Variants in EXOC2 observed in about 807,000 individuals in gnomAD.
EXOC2 encodes the protein exocyst complex component 2, also known as SEC5-like 1.
A neutral mutation model predicts 131.8 loss-of-function variants in EXOC2; 70 were observed. That is an observed-to-expected ratio of 0.53 (90% CI 0.44 to 0.65). EXOC2 has a LOEUF of 0.65. EXOC2 is among the 30% of genes least tolerant of loss of function. The probability of loss-of-function intolerance (pLI) is 0.00; values close to 1 mark genes in which losing one functional copy is unlikely to be tolerated. For missense variants in EXOC2, 923 were observed against 1,108.6 expected (o/e 0.83, Z 2.38); for synonymous variants, 411 against 398.4 (o/e 1.03, Z -0.38).
chr6:529,126 G>C (rs865998928), intron 23 of EXOC2, among the ~76,000 whole-genome samples: 60 of 97,246 alleles, frequency 6.2e-4, no homozygotes, highest in South Asian at 1.3e-3. Flanking sequence ...ACCCCCCCCC[G>C]CGCCCTGGTT....
chr6:673,892 G>C (rs1311153660), intron 1 of EXOC2, among the ~76,000 whole-genome samples: 4 of 151,938 alleles, frequency 2.6e-5, no homozygotes, highest in Admixed American at 2.0e-4. Flanking sequence ...CTTAATACAG[G>C]GTTACCACAA....
intron 1 of EXOC2, among the ~76,000 whole-genome samples, chr6:638,960 A>T (rs1030637218): frequency 2.8e-5 from 2 of 72,096 alleles, no homozygotes; most frequent in Admixed American, 1.4e-4. Context: ...AATTTTACTA[A>T]TAAACCCGAG....
At chr6:686,332 T>C (rs1328606797) in intron 1 of EXOC2, among the ~76,000 whole-genome samples, 1 of 152,220 alleles carries the variant, frequency 6.6e-6, no homozygotes, top group Non-Finnish European at 1.5e-5. Context: ...AACTACTATC[T>C]ATGGTTTCAA....
intron 11 of EXOC2, among the ~76,000 whole-genome samples, chr6:580,091 G>A (rs112339129): frequency 0.01 from 1,519 of 150,252 alleles, 26 homozygotes; most frequent in African/African-American, 0.035. Context: ...GCCCAAGCTG[G>A]AGCCCAGTGG....
intron 23 of EXOC2, among the ~76,000 whole-genome samples, chr6:500,011 A>G (rs942746270): frequency 6.6e-6 from 1 of 152,172 alleles, no homozygotes; most frequent in Non-Finnish European, 1.5e-5. Context: ...ACGCACACAC[A>G]CACAGAGAAT....
intron 22 of EXOC2, among the ~76,000 whole-genome samples, chr6:538,837 G>A (rs779514872): frequency 2.6e-5 from 4 of 152,188 alleles, no homozygotes; most frequent in Non-Finnish European, 4.4e-5. Flanking sequence ...ACGCTGGGAG[G>A]CTGAGGCGGG....
intron 1 of EXOC2, among the ~76,000 whole-genome samples, chr6:685,886 T>G (rs1764625940): frequency 6.7e-6 from 1 of 148,182 alleles, no homozygotes; most frequent in Non-Finnish European, 1.5e-5. Context: ...TTTTTTTTTT[T>G]TTTTTTTGAG....
intron 11 of EXOC2, among the ~76,000 whole-genome samples, chr6:588,970 A>G (rs1473861265): frequency 1.3e-5 from 2 of 152,252 alleles, no homozygotes; most frequent in East Asian, 3.8e-4. Flanking sequence ...AGGTAAAGAT[A>G]TGACGAGATA....
At chr6:675,226 C>A (rs910963877) in intron 1 of EXOC2, among the ~76,000 whole-genome samples, 1 of 152,186 alleles carries the variant, frequency 6.6e-6, no homozygotes, top group East Asian at 1.9e-4. Context: ...CCTTTCTGAG[C>A]CACTGTGACT....
chr6:630,880 G>C (rs1471043998), intron 3 of EXOC2, among the ~76,000 whole-genome samples: 1 of 152,186 alleles, frequency 6.6e-6, no homozygotes, highest in Non-Finnish European at 1.5e-5. Flanking sequence ...GAAATAACCA[G>C]GTTATTCAGG....
At chr6:567,799 T>G (rs1021757064) in intron 13 of EXOC2, among the ~76,000 whole-genome samples, 1 of 152,216 alleles carries the variant, frequency 6.6e-6, no homozygotes, top group Admixed American at 6.5e-5. Context: ...CTCCAAGATC[T>G]TCTTGAATAT....
At chr6:488,020 G>A (rs752676916) in intron 27 of EXOC2, among the ~76,000 whole-genome samples, 1 of 152,214 alleles carries the variant, frequency 6.6e-6, no homozygotes, top group Non-Finnish European at 1.5e-5. Flanking sequence ...TCAAATAGAG[G>A]ATGGAAGTTA....
intron 12 of EXOC2, among the ~76,000 whole-genome samples, chr6:573,067 A>G (rs1218070298): frequency 6.6e-6 from 1 of 152,266 alleles, no homozygotes; most frequent in African/African-American, 2.4e-5. Flanking sequence ...GCAGCTGATC[A>G]GCCTGTGAGA....
intron 21 of EXOC2, among the ~76,000 whole-genome samples, chr6:552,397 C>G (rs997212582): frequency 6.6e-6 from 1 of 152,200 alleles, no homozygotes; most frequent in East Asian, 1.9e-4. Flanking sequence ...CGGGATGGCC[C>G]GCCACCACTC....
chr6:543,076 G>A (rs1009032408), intron 22 of EXOC2, among the ~76,000 whole-genome samples: 4 of 152,160 alleles, frequency 2.6e-5, no homozygotes, highest in Non-Finnish European at 5.9e-5. Context: ...ACAACACCAC[G>A]GCTGTCGGAT....
intron 23 of EXOC2, among the ~76,000 whole-genome samples, chr6:529,345 ATACAC>A (rs1765933374): frequency 6.6e-6 from 1 of 152,234 alleles, no homozygotes; most frequent in Admixed American, 6.5e-5. Context: ...GGTGTTCGGC[ATACAC>A]TAAAGATGCC....
chr6:590,545 C>A (rs1273207505), intron 11 of EXOC2, among the ~76,000 whole-genome samples: 1 of 152,170 alleles, frequency 6.6e-6, no homozygotes, highest in Non-Finnish European at 1.5e-5. Context: ...CTGATGAGGG[C>A]CATTACTCCT....
chr6:507,379 C>G (rs1274965519), intron 23 of EXOC2, among the ~76,000 whole-genome samples: 1 of 146,682 alleles, frequency 6.8e-6, no homozygotes, highest in South Asian at 2.2e-4. Flanking sequence ...CACACACACA[C>G]AGAGTGCTCC....
intron 1 of EXOC2, among the ~76,000 whole-genome samples, chr6:639,648 G>A (rs536696768): frequency 1.3e-5 from 2 of 152,338 alleles, no homozygotes; most frequent in Admixed American, 6.5e-5. Flanking sequence ...AAAGGGAAGG[G>A]CCGCTTGCTT....
Sources: allele counts gnomAD v4.1 joint callset (sites outside exome capture counted in the v4.1 genomes callset), GRCh38; gene constraint gnomAD v4.1.1; transcripts MANE v1.5; gene names NCBI Gene and HGNC (gene_info 2026-07-23, HGNC 2026-07-21).